Variants in CNNM4 observed in about 807,000 individuals in gnomAD.
The protein encoded by CNNM4 is cyclin and CBS domain divalent metal cation transport mediator 4, also known as metal transporter CNNM4.
CNNM4 carries 32 observed loss-of-function variants against 53.7 expected under a neutral mutation model. The ratio of observed to expected loss-of-function variants is 0.60; its 90% confidence interval spans 0.45 to 0.80. The LOEUF (loss-of-function observed/expected upper bound fraction) is 0.80, where lower values mean the gene tolerates loss of function less well. Ranked by LOEUF, CNNM4 falls within the 30% of genes least tolerant of loss-of-function variation. The pLI is 0.00. For missense variants in CNNM4, 784 were observed against 1,022.0 expected, an observed-to-expected ratio of 0.77 and a Z score of 3.17; for synonymous variants, 410 against 440.0, an observed-to-expected ratio of 0.93 and a Z score of 0.85.
rs986416598 is a variant in CNNM4, at chr2:96,801,755, CCAGACACACACA to C, written c.1948+2114_1948+2125del. Among the ~76,000 whole-genome samples the C allele has an allele frequency of 6.6e-6, 1 of 150,524 alleles. No individual in the cohort carries two copies. Among genetic ancestry groups the C allele is most frequent in the Non-Finnish European group, 1.5e-5 (1 of 67,676 alleles). On this transcript the variant is annotated intron_variant, in intron 5 of 6. Coordinates refer to ENST00000377075, the MANE Select transcript of CNNM4 (RefSeq NM_020184.4). The surrounding 1 kb of genome is among the most constrained non-coding windows in gnomAD (Gnocchi z 5.6). Reference sequence around the variant, plus strand: ...CCACACACACCCAGAGACCACACACCCAGACACACACACAGACAGAGATACTACAGACACCCA... The same window carrying C: ...CCACACACACCCAGAGACCACACACCCAGACAGAGATACTACAGACACCCA...
intron 4 of CNNM4, 90 bp downstream of exon 4, chr2:96,799,316 A>G (rs907352384): frequency 5.2e-6 from 8 of 1,530,622 alleles, no homozygotes; most frequent in African/African-American, 2.7e-5. Context: ...GCGGAGGTGC[A>G]TGGCTTCCCT....
At chr2:96,782,034 A>G (rs543598555) in intron 1 of CNNM4, among the ~76,000 whole-genome samples, 2 of 152,276 alleles carry the variant, frequency 1.3e-5, no homozygotes, top group South Asian at 4.1e-4. Context: ...AAATACACTG[A>G]TTGATTTTTT....
intron 1 of CNNM4, among the ~76,000 whole-genome samples, chr2:96,776,879 C>T (rs988847434): frequency 3.9e-5 from 6 of 152,206 alleles, no homozygotes; most frequent in Non-Finnish European, 5.9e-5. Context: ...TCCCAAAGTG[C>T]TGGGATTACA....
At chr2:96,765,125 G>T in intron 1 of CNNM4, among the ~76,000 whole-genome samples, 6 of 109,242 alleles carry the variant, frequency 5.5e-5, no homozygotes, top group African/African-American at 7.4e-5. Context: ...TTGTTTGTTT[G>T]TTGTTGTTTT....
At position 96,797,610 on chromosome 2, in the gene CNNM4, G is replaced by A. The variant is rs764568597; in HGVS notation, c.1644G>A (p.Pro548=). 1.5e-5 allele frequency: 24 copies of A among 1,614,134 alleles called. No homozygotes were observed. Among genetic ancestry groups the A allele is most frequent in the East Asian group, 2.2e-5 (1 of 44,876 alleles). ...ATGAGCTCAAAGTGAAAATCTCCCC[G>A]CAGCTCCTCCTGGCCGCTCATCGCT... ...ADNELKVKIS[P]QLLLAAHRFL... The change falls in exon 3 of 7, where the codon CCG becomes CCA. Residue 548 remains proline (P), a synonymous_variant. Coordinates refer to ENST00000377075, the MANE Select transcript of CNNM4 (RefSeq NM_020184.4). This position sits in a 1 kb window ranked among gnomAD's most constrained non-coding sequence, Gnocchi z 6.0.
intron 1 of CNNM4, among the ~76,000 whole-genome samples, chr2:96,782,581 C>G (rs1450166224): frequency 6.6e-6 from 1 of 152,054 alleles, no homozygotes; most frequent in Admixed American, 6.6e-5. Flanking sequence ...CTCTTCCTCC[C>G]CTTCTGTTCC....
At chr2:96,798,144 G>GT (rs1365748468) in intron 3 of CNNM4, 3 of 243,946 alleles carry the variant, frequency 1.2e-5, no homozygotes, top group African/African-American at 6.8e-5. Context: ...GATGTGGGAG[G>GT]ACCGCTTGAG....
intron 1 of CNNM4, among the ~76,000 whole-genome samples, chr2:96,765,122 TTTG>T (rs946852700): frequency 4.8e-5 from 7 of 146,842 alleles, no homozygotes; most frequent in African/African-American, 1.2e-4. Context: ...TATTTGTTTG[TTTG>T]TTGTTGTTTT....
intron 1 of CNNM4, among the ~76,000 whole-genome samples, chr2:96,765,797 CTT>C (rs749321221): frequency 1.0e-4 from 13 of 125,326 alleles, no homozygotes; most frequent in African/African-American, 1.0e-4. Context: ...TTCTTTCTTT[CTT>C]TTTTTTTTTT....
At chr2:96,802,968 C>T (rs2079172310) in intron 5 of CNNM4, among the ~76,000 whole-genome samples, 1 of 152,166 alleles carries the variant, frequency 6.6e-6, no homozygotes, top group African/African-American at 2.4e-5. Context: ...TCTTTCAGCT[C>T]CTCACACCCC....
rs1006059546 is a variant in CNNM4, at chr2:96,801,592, G to T, written c.1948+1944G>T. On this transcript the variant is annotated intron_variant, in intron 5 of 6. Coordinates refer to ENST00000377075, the MANE Select transcript of CNNM4 (RefSeq NM_020184.4). The surrounding 1 kb of genome is among the most constrained non-coding windows in gnomAD (Gnocchi z 5.6). ...CACAGAGATAGCACACACACAGAGAGACCACACACACAGAGACCACACACA... is the reference window on the plus strand; with the variant it reads ...CACAGAGATAGCACACACACAGAGATACCACACACACAGAGACCACACACA... 7.4e-6 allele frequency among the ~76,000 whole-genome samples: 1 copy of T among 136,028 alleles called. No homozygotes were observed. Among genetic ancestry groups the T allele is most frequent in the African/African-American group, 2.9e-5 (1 of 34,832 alleles). 89.2% of individuals were successfully genotyped at this position (136,028 alleles called of 152,430 possible).
chr2:96,796,899 C>T (rs2079108989), intron 1 of CNNM4, 113 bp from the exon 2 acceptor site: 1 of 1,085,538 alleles, frequency 9.2e-7, no homozygotes, highest in South Asian at 1.3e-5. Context: ...ATAAAAACCA[C>T]CATGACCCCA....
In CNNM4 at chr2:96,799,499, T is replaced by C. The variant is rs2079138797; in HGVS notation, c.1852-53T>C. On this transcript the variant is annotated intron_variant, in intron 4 of 6. Coordinates refer to ENST00000377075, the MANE Select transcript of CNNM4 (RefSeq NM_020184.4). The stretch of plus-strand genomic sequence containing the variant: ...GTTCCTCACTCCCCATCCTGCCTCA[T>C]CCTTTGTTTCCTCCCTCACTTGGTC... 3 of 1,478,034 alleles carry C rather than the reference T, an allele frequency of 2.0e-6. No individual in the cohort carries two copies. The Admixed American group carries it at 5.9e-5, about 29-fold the overall frequency. The allele number at this position is 1,478,034 out of a possible 1,614,324, so 91.6% of individuals were successfully genotyped here. A position where few individuals can be genotyped will look rare whatever the true frequency, so the allele number is the denominator to read the frequency against.
chr2:96,796,826 T>C (rs1189820697), intron 1 of CNNM4, among the ~76,000 whole-genome samples, 186 bp from the exon 2 acceptor site: 2 of 152,212 alleles, frequency 1.3e-5, no homozygotes, highest in Non-Finnish European at 2.9e-5. Flanking sequence ...AAATTACTTT[T>C]AGTTTTCCTT....
chr2:96,799,187 C>T lies in CNNM4; in HGVS notation c.1812C>T (p.Thr604=). 1 of 1,614,196 alleles carries T rather than the reference C, an allele frequency of 6.2e-7. No homozygotes were observed. The highest frequency in any genetic ancestry group is 1.6e-4 in the Middle Eastern group (1 of 6,062). The part of the protein sequence containing the change: ...NKYYARHYLY[T]RNKPADYFIL... ...ACTACGCCCGCCATTACCTGTACAC[C>T]CGAAATAAGCCGGCCGACTACTTCA... Residue 604 remains threonine (T), a synonymous_variant, in exon 4 of 7, where the codon ACC becomes ACT. Transcript: ENST00000377075.
rs1000410644 is a variant in CNNM4 at position 96,760,907 on chromosome 2, G to C, written c.-93G>C. 6.8e-4 allele frequency: 475 copies of C among 695,040 alleles called. No individual in the cohort carries two copies. Among genetic ancestry groups the C allele is most frequent in the Non-Finnish European group, 8.1e-4 (459 of 564,288 alleles). 43.1% of individuals were successfully genotyped at this position (695,040 alleles called of 1,614,324 possible). A position where few individuals can be genotyped will look rare whatever the true frequency, so the allele number is the denominator to read the frequency against. On this transcript the variant is annotated 5_prime_UTR_variant, in exon 1 of 7. Transcript: ENST00000377075. ...GTCAGGCTCGCGGCCCGGGCAGTTG[G>C]CTCGGCGGCAGCGGAGCGGCCGGAG...
chr2:96,806,147 T>A (rs1285116474), intron 5 of CNNM4, among the ~76,000 whole-genome samples: 1 of 151,426 alleles, frequency 6.6e-6, no homozygotes, highest in Admixed American at 6.6e-5. Context: ...CCCACCGCCC[T>A]CCCGGACGGG....
Position 96,800,041 on chromosome 2 carries a change from G to T in CNNM4, c.1948+393G>T, listed in dbSNP as rs1005842044. 2.0e-5 allele frequency among the ~76,000 whole-genome samples: 3 copies of T among 152,230 alleles called. No individual in the cohort carries two copies. Among genetic ancestry groups the T allele is most frequent in the Non-Finnish European group, 2.9e-5 (2 of 68,034 alleles). ...CAAAGTGACTGGGGTCAGGAGCCAG[G>T]CCAGGGCCTGTTTGCCAGGGCAGGC... On this transcript the variant is annotated intron_variant, in intron 5 of 6. Coordinates refer to ENST00000377075, the MANE Select transcript of CNNM4 (RefSeq NM_020184.4). The surrounding 1 kb of genome is among the most constrained non-coding windows in gnomAD (Gnocchi z 4.6).
At chr2:96,769,369 G>C (rs1396462078) in intron 1 of CNNM4, among the ~76,000 whole-genome samples, 4 of 151,802 alleles carry the variant, frequency 2.6e-5, no homozygotes, top group African/African-American at 9.7e-5. Flanking sequence ...AGGAGTTCAA[G>C]ACCAGCCTGA....
Sources: gnomAD v4.1 joint callset for allele counts (sites outside exome capture counted in the v4.1 genomes callset) on GRCh38, gnomAD v4.1.1 for gene constraint, Gnocchi (gnomAD v3.1) non-coding constraint, MANE v1.5 for transcripts, NCBI Gene and HGNC (gene_info 2026-07-23, HGNC 2026-07-21) for gene names.